Variants in PCNX2 observed in about 807,000 individuals in gnomAD.
PCNX2 encodes pecanex-like protein 2.
A neutral mutation model predicts 223.8 loss-of-function variants in PCNX2; 168 were observed. The observed-to-expected ratio is 0.75, with a 90% CI of 0.66 to 0.85. The LOEUF is 0.85. PCNX2 is among the 40% of genes least tolerant of loss of function. The pLI, the probability that PCNX2 is intolerant of heterozygous loss-of-function variation, is 0.00. For synonymous variants in PCNX2, 1,006 were observed against 1,052.6 expected, an observed-to-expected ratio of 0.96 and a Z score of 0.86; for missense variants, 2,507 against 2,675.5, an observed-to-expected ratio of 0.94 and a Z score of 1.39.
rs765759601 is a variant in PCNX2, at chr1:233,258,219, A to G, written c.1643T>C (p.Ile548Thr). 2 of 1,613,924 alleles carry G rather than the reference A, an allele frequency of 1.2e-6. No homozygotes were observed. Among genetic ancestry groups the G allele is most frequent in the Non-Finnish European group, 1.7e-6 (2 of 1,179,882 alleles). ...DVFLSKSSAE[I>T]VNDTEKTMPT... ...CATTGTTTTCTCTGTATCGTTAACA[A>G]TTTCTGCAGAACTTTTACTCAAGAA... The change falls in exon 5 of 34, where the codon ATT (isoleucine) becomes ACT (threonine). Residue 548 changes from isoleucine (I) to threonine (T), a missense_variant. This residue lies in a region of PCNX2 where 1,031 missense variants were observed against 1,021.7 expected (regional missense o/e 1.01). Transcript: ENST00000258229.
intron 21 of PCNX2, among the ~76,000 whole-genome samples, chr1:233,101,903 T>C (rs1209665420): frequency 6.6e-6 from 1 of 152,154 alleles, no homozygotes; most frequent in Non-Finnish European, 1.5e-5. Context: ...CTGCCTGCTG[T>C]AGAGTAGATA....
chr1:233,080,399 C>A (rs1021035949), intron 23 of PCNX2, among the ~76,000 whole-genome samples: 2 of 136,664 alleles, frequency 1.5e-5, no homozygotes, highest in African/African-American at 6.7e-5. Context: ...CACACACACA[C>A]AAACACACAC....
At chr1:233,055,561 C>T (rs1175108684) in intron 24 of PCNX2, among the ~76,000 whole-genome samples, 2 of 152,080 alleles carry the variant, frequency 1.3e-5, no homozygotes, top group African/African-American at 4.8e-5. Flanking sequence ...GATTGGATAA[C>T]ATGGGAAGTC....
intron 25 of PCNX2, among the ~76,000 whole-genome samples, chr1:233,040,975 C>T (rs1671625287): frequency 6.6e-6 from 1 of 152,212 alleles, no homozygotes; most frequent in African/African-American, 2.4e-5. Flanking sequence ...ACAATCTTTG[C>T]ACCCTTCCCA....
chr1:233,262,273 T>C (rs1446592410), intron 2 of PCNX2, 108 bp from the exon 3 acceptor site: 2 of 1,351,076 alleles, frequency 1.5e-6, no homozygotes, highest in African/African-American at 2.9e-5. Flanking sequence ...CATTTTGTTA[T>C]ATTCCTTACA....
intron 23 of PCNX2, among the ~76,000 whole-genome samples, chr1:233,059,246 A>G (rs1672310330): frequency 6.6e-6 from 1 of 152,034 alleles, no homozygotes; most frequent in African/African-American, 2.4e-5. Context: ...GTTCTCTTTC[A>G]CATGTTGTAC....
At chr1:233,137,397 G>T (rs1412991443) in intron 20 of PCNX2, among the ~76,000 whole-genome samples, 1 of 152,212 alleles carries the variant, frequency 6.6e-6, no homozygotes, top group Non-Finnish European at 1.5e-5. Context: ...CCAGCCACTG[G>T]ATGCACTGAA....
In PCNX2 at chr1:233,260,415, A is replaced by C. The variant is rs1340887498; in HGVS notation, c.517+870T>G. 2.0e-5 allele frequency among the ~76,000 whole-genome samples: 3 copies of C among 152,362 alleles called. No individual in the cohort carries two copies. The East Asian group carries it at 5.8e-4, about 29-fold the overall frequency. On this transcript the variant is annotated intron_variant, in intron 4 of 33. Transcript: ENST00000258229. ...GGAAGAATATGTTTCATATGAAGAA[A>C]AAGGTATGTGCTTGTATATGTGTAT...
intron 9 of PCNX2, chr1:233,231,479 G>A: frequency 4.6e-6 from 1 of 216,084 alleles, no homozygotes; most frequent in Non-Finnish European, 7.9e-6. Flanking sequence ...ATGTGAAAGA[G>A]AGTAAGTGAT....
At chr1:233,016,263 G>T (rs1287753104) in intron 27 of PCNX2, among the ~76,000 whole-genome samples, 4 of 152,168 alleles carry the variant, frequency 2.6e-5, no homozygotes, top group Non-Finnish European at 5.9e-5. Flanking sequence ...TGAGGAAGTT[G>T]TTTCTAACTT....
rs374850506 is a variant in PCNX2 at position 232,984,302 on chromosome 1, C to G, written c.*2G>C. ...CAGCCTCCCCGCCCGGCCGCACGCC[C>G]GTCACTGCTCGTCTGACACACTTTG... On this transcript the variant is annotated 3_prime_UTR_variant, in exon 34 of 34. Transcript: ENST00000258229. The G allele has an allele frequency of 6.3e-7, 1 of 1,598,116 alleles. No homozygotes were observed.
At chr1:233,315,791 C>T in the PCNX2 span, among the ~76,000 whole-genome samples, 307 of 152,118 alleles carry the variant, frequency 2.0e-3, 3 homozygotes, top group African/African-American at 6.6e-3. Context: ...TCTCTGTGAC[C>T]TTAGAAGGAT....
At chr1:233,147,878 G>A (rs181619710) in intron 19 of PCNX2, among the ~76,000 whole-genome samples, 31 of 152,306 alleles carry the variant, frequency 2.0e-4, no homozygotes, top group Admixed American at 2.0e-4. Flanking sequence ...CTATAAAGGA[G>A]CTCTACGTTG....
intron 23 of PCNX2, among the ~76,000 whole-genome samples, chr1:233,061,661 C>T (rs1374921237): frequency 1.3e-5 from 2 of 152,126 alleles, no homozygotes; most frequent in Non-Finnish European, 2.9e-5. Context: ...TCTGAATTTT[C>T]AGTACTTTGA....
intron 21 of PCNX2, among the ~76,000 whole-genome samples, chr1:233,106,668 G>T (rs897172752): frequency 1.2e-4 from 18 of 152,226 alleles, no homozygotes; most frequent in African/African-American, 3.6e-4. Context: ...CTTGTGTGTA[G>T]CGAATCCTGC....
chr1:233,274,309 T>C (rs1393793345), intron 1 of PCNX2, among the ~76,000 whole-genome samples: 1 of 152,316 alleles, frequency 6.6e-6, no homozygotes, highest in East Asian at 1.9e-4. Flanking sequence ...ACGTAGGTGC[T>C]ATGCACTGCA....
intron 1 of PCNX2, among the ~76,000 whole-genome samples, chr1:233,263,855 C>T (rs927135378): frequency 2.6e-5 from 4 of 152,082 alleles, no homozygotes; most frequent in Admixed American, 6.6e-5. Flanking sequence ...AACAACAAAA[C>T]ACAAAAAGCC....
intron 21 of PCNX2, among the ~76,000 whole-genome samples, chr1:233,107,192 C>CACAT (rs1674845955): frequency 6.6e-6 from 1 of 151,774 alleles, no homozygotes; most frequent in African/African-American, 2.4e-5. Flanking sequence ...ATTATACACA[C>CACAT]ACACACACAC....
intron 22 of PCNX2, 32 bp from the exon 23 acceptor site, chr1:233,090,222 A>G (rs925078001): frequency 1.9e-6 from 3 of 1,566,282 alleles, no homozygotes; most frequent in South Asian, 1.2e-5. Flanking sequence ...AAAAAAAAAA[A>G]TTATGATTCT....
Sources: allele counts gnomAD v4.1 joint callset (sites outside exome capture counted in the v4.1 genomes callset), GRCh38; gene constraint gnomAD v4.1.1; regional missense constraint gnomAD v4.1.1; transcripts MANE v1.5; gene names NCBI Gene and HGNC (gene_info 2026-07-23, HGNC 2026-07-21).